PUM1: variants seen among roughly 807,000 people sequenced by gnomAD.
The protein encoded by PUM1 is pumilio homolog 1.
Under a neutral mutation model 131.8 loss-of-function variants are expected in PUM1, and 13 were observed. The observed-to-expected ratio is 0.10, with a 90% CI of 0.06 to 0.16. The LOEUF is 0.16. Ranked by LOEUF, PUM1 falls within the 10% of genes least tolerant of loss-of-function variation. The pLI is 1.00. For missense variants in PUM1, 961 were observed against 1,512.4 expected (o/e 0.64, Z 6.05); for synonymous variants, 509 against 556.5 (o/e 0.91, Z 1.20).
At position 30,945,272 on chromosome 1, in the gene PUM1, C is replaced by T. The variant is rs12142833; in HGVS notation, c.2994+74G>A. 492,371 of 1,537,960 alleles carry T rather than the reference C, an allele frequency of 0.32. 82,773 individuals are homozygous for T. Among genetic ancestry groups the T allele is most frequent in the Non-Finnish European group, 0.35 (386,202 of 1,117,382 alleles). ...TACATTAAGCATATTGAGAACATGC[C>T]ACAAATCCTACTCTGTTTTCTGCTC... On this transcript the variant is annotated intron_variant, in intron 18 of 21. Transcript: ENST00000426105.
chr1:31,029,212 T>C (rs1447307247), intron 2 of PUM1, among the ~76,000 whole-genome samples: 2 of 152,258 alleles, frequency 1.3e-5, no homozygotes, highest in African/African-American at 2.4e-5. Flanking sequence ...GCCTTCAAGA[T>C]GACTATGTGA....
intron 3 of PUM1, among the ~76,000 whole-genome samples, chr1:31,026,114 G>A (rs1570299973): frequency 6.6e-6 from 1 of 151,840 alleles, no homozygotes; most frequent in African/African-American, 2.4e-5. Context: ...AAATTAGCCG[G>A]GCACGGCGGC....
chr1:30,933,009 A>G lies in PUM1; in HGVS notation c.*202T>C. The G allele has an allele frequency of 1.8e-6, 1 of 552,472 alleles. No individual in the cohort carries two copies. The allele number at this position is 552,472 out of a possible 1,614,324, so 34.2% of individuals were successfully genotyped here. On this transcript the variant is annotated 3_prime_UTR_variant, in exon 22 of 22. Transcript: ENST00000426105. ...GGGCAATTAGTCAATTAAAAAAAAT[A>G]GTACATGTTATGTGTAATAAAATTA...
intron 15 of PUM1, among the ~76,000 whole-genome samples, chr1:30,953,381 C>G (rs1640028377): frequency 6.6e-6 from 1 of 152,328 alleles, no homozygotes; most frequent in South Asian, 2.1e-4. Context: ...CTTCTCTCGT[C>G]TCTACATAGA....
At chr1:31,018,519 G>A (rs913115511) in intron 3 of PUM1, among the ~76,000 whole-genome samples, 2 of 151,926 alleles carry the variant, frequency 1.3e-5, no homozygotes. Flanking sequence ...TTAGCCAGGT[G>A]TCATGGCATG....
At position 30,988,034 on chromosome 1, in the gene PUM1, G is replaced by T. The variant is rs139075306; in HGVS notation, c.1158+4356C>A. Among the ~76,000 whole-genome samples, 795 of 152,154 alleles carry T rather than the reference G, an allele frequency of 5.2e-3. 6 individuals carry two copies. The highest frequency in any genetic ancestry group is 0.018 in the African/African-American group (735 of 41,518). On this transcript the variant is annotated intron_variant, in intron 7 of 21. Transcript: ENST00000426105. Reference sequence around the variant, plus strand: ...TATAATTAACTTTGTTTTTAAATATGACAGCTATTTTTATACCACTGGTTT... The same window carrying T: ...TATAATTAACTTTGTTTTTAAATATTACAGCTATTTTTATACCACTGGTTT...
chr1:30,944,401 AC>A (rs1388510856), intron 18 of PUM1, among the ~76,000 whole-genome samples: 1 of 152,178 alleles, frequency 6.6e-6, no homozygotes. Context: ...TTGGAAAAAA[AC>A]AAAACAAACA....
rs1184358006 is a variant in PUM1 at position 30,952,254 on chromosome 1, C to T, written c.2701G>A (p.Val901Ile). 3 of 1,614,040 alleles carry T rather than the reference C, an allele frequency of 1.9e-6. No homozygotes were observed. The highest frequency in any genetic ancestry group is 2.2e-5 in the East Asian group (1 of 44,882). Reference sequence around the variant, plus strand: ...CTTACTTCAAAGAACTTCTGAATGACGTAATTACCAAACACATCCACCATG... The same window carrying T: ...CTTACTTCAAAGAACTTCTGAATGATGTAATTACCAAACACATCCACCATG... ...QLMVDVFGNY[V>I]IQKFFEFGSL... The change falls in exon 16 of 22, where the codon GTC becomes ATC. Residue 901 changes from valine (V) to isoleucine (I), a missense_variant. Physicochemically the swap from Val to Ile is conservative, Grantham distance 29. Transcript: ENST00000426105.
chr1:30,957,920 C>T (rs368063558), intron 14 of PUM1, among the ~76,000 whole-genome samples: 1 of 152,206 alleles, frequency 6.6e-6, no homozygotes, highest in South Asian at 2.1e-4. Context: ...AATTAAATAA[C>T]CCTGAAAACT....
intron 2 of PUM1, among the ~76,000 whole-genome samples, chr1:31,044,236 C>T (rs1643901628): frequency 2.0e-5 from 3 of 151,946 alleles, no homozygotes; most frequent in South Asian, 4.2e-4. Flanking sequence ...CCCGTCTCAA[C>T]TAAAAATACA....
intron 5 of PUM1, 72 bp from the exon 6 acceptor site, chr1:30,995,292 A>G: frequency 6.8e-7 from 1 of 1,476,046 alleles, no homozygotes; most frequent in Non-Finnish European, 9.4e-7. Context: ...TGTGGGCACC[A>G]GACTACACTA....
intron 2 of PUM1, among the ~76,000 whole-genome samples, chr1:31,029,132 C>T (rs146182284): frequency 5.5e-4 from 83 of 152,290 alleles, no homozygotes; most frequent in African/African-American, 1.8e-3. Flanking sequence ...CAAATTCCAT[C>T]ATGAGAATTA....
At chr1:30,936,285 G>A (rs1386601016) in intron 21 of PUM1, among the ~76,000 whole-genome samples, 1 of 152,106 alleles carries the variant, frequency 6.6e-6, no homozygotes, top group Non-Finnish European at 1.5e-5. Context: ...ACCATGCTGG[G>A]CAGGCCTTTG....
intron 10 of PUM1, among the ~76,000 whole-genome samples, chr1:30,970,221 G>A (rs529990738): frequency 6.6e-6 from 1 of 152,062 alleles, no homozygotes; most frequent in Admixed American, 6.5e-5. Context: ...AAGAAAATGG[G>A]TACAAATTAT....
At chr1:31,058,255 C>T (rs1644290812) in intron 2 of PUM1, among the ~76,000 whole-genome samples, 1 of 152,154 alleles carries the variant, frequency 6.6e-6, no homozygotes, top group Non-Finnish European at 1.5e-5. Context: ...TCAAGTCACC[C>T]ACACCCAAGA....
intron 9 of PUM1, among the ~76,000 whole-genome samples, chr1:30,975,475 C>T (rs1641097606): frequency 6.6e-6 from 1 of 151,088 alleles, no homozygotes; most frequent in Admixed American, 6.6e-5. Flanking sequence ...CTCAGCCTCC[C>T]TAATACCTGG....
Position 30,966,251 on chromosome 1 carries a change from T to C in PUM1, c.1817A>G (p.Asn606Ser), listed in dbSNP as rs1426712572. ...AAVAAAAASANGAAGGLAGTT... is the reference protein window; with the variant it reads ...AAVAAAAASASGAAGGLAGTT... ...TCCAGCAAGACCACCAGCTGCTCCA[T>C]TTGCTGAAGCTGCGGCTGCTGCAAC... Residue 606 changes from asparagine to serine, a missense_variant, in exon 13 of 22, where the codon AAT becomes AGT. Coordinates refer to ENST00000426105, the MANE Select transcript of PUM1 (RefSeq NM_001020658.2). 1.2e-6 allele frequency: 2 copies of C among 1,605,334 alleles called. No individual in the cohort carries two copies. The highest frequency in any genetic ancestry group is 4.5e-5 in the East Asian group (2 of 44,720).
intron 6 of PUM1, among the ~76,000 whole-genome samples, chr1:30,993,342 TA>T (rs200120030): frequency 1.7e-3 from 211 of 127,020 alleles, no homozygotes; most frequent in Admixed American, 2.3e-3. Flanking sequence ...GCCTAAGATT[TA>T]AAAAAAAAAA....
At position 30,953,966 on chromosome 1, in the gene PUM1, C is replaced by G; in HGVS notation, c.2339G>C (p.Gly780Ala). Reference sequence around the variant, plus strand: ...AGCAGCAGAGATGTATCTTCCACTGCCATTCGTGAGTCCTCCTGTTGGTTA... The same window carrying G: ...AGCAGCAGAGATGTATCTTCCACTGGCATTCGTGAGTCCTCCTGTTGGTTA... ...SSLNLGGLTN[G>A]SGRYISAAPG... is the part of the protein sequence containing the mutation. The change falls in exon 15 of 22, where the codon GGC becomes GCC. Residue 780 changes from glycine (G) to alanine (A), a missense_variant. Gly to Ala is a moderately conservative substitution (Grantham distance 60). This residue lies in a region of PUM1 where 117 missense variants were observed against 200.7 expected (regional missense o/e 0.58). Coordinates refer to ENST00000426105, the MANE Select transcript of PUM1 (RefSeq NM_001020658.2). The G allele has an allele frequency of 6.2e-7, 1 of 1,614,028 alleles. No individual in the cohort carries two copies.
Sources: allele counts gnomAD v4.1 joint callset (sites outside exome capture counted in the v4.1 genomes callset), GRCh38; gene constraint gnomAD v4.1.1; regional missense constraint gnomAD v4.1.1; transcripts MANE v1.5; gene names NCBI Gene and HGNC (gene_info 2026-07-23, HGNC 2026-07-21).